Variants in MAF observed in about 807,000 individuals in gnomAD.
The protein encoded by MAF is MAF bZIP transcription factor.
Under a neutral mutation model 22.0 loss-of-function variants are expected in MAF, and 10 were observed. The observed-to-expected ratio is 0.45, with a 90% confidence interval of 0.28 to 0.77. MAF has a LOEUF of 0.77. Ranked by LOEUF, MAF falls within the 30% of genes least tolerant of loss-of-function variation. The pLI is 0.12. For synonymous variants in MAF, 337 were observed against 255.8 expected, an observed-to-expected ratio of 1.32 and a Z score of -3.03; for missense variants, 544 against 548.4, an observed-to-expected ratio of 0.99 and a Z score of 0.08.
the MAF span, among the ~76,000 whole-genome samples, chr16:79,527,272 T>C: frequency 1.3e-5 from 2 of 152,208 alleles, no homozygotes; most frequent in South Asian, 4.1e-4. Flanking sequence ...GGGTTTCATC[T>C]CCTTCATTGT....
chr16:79,214,608 T>C, the MAF span, among the ~76,000 whole-genome samples: 1 of 151,586 alleles, frequency 6.6e-6, no homozygotes, highest in Non-Finnish European at 1.5e-5. Flanking sequence ...GGTTTCACTA[T>C]GTTGGCCAGG....
the MAF span, among the ~76,000 whole-genome samples, chr16:79,211,034 A>AGTGTGTGTGTGTGTGTGTGT: frequency 7.7e-3 from 1,149 of 149,706 alleles, 12 homozygotes; most frequent in Non-Finnish European, 0.013. Context: ...TATGGTGAGG[A>AGTGTGTGTGTGTGTGTGTGT]GTGTGTGTGT....
chr16:79,443,707 C>T, the MAF span, among the ~76,000 whole-genome samples: 3 of 152,300 alleles, frequency 2.0e-5, no homozygotes, highest in East Asian at 5.8e-4. Context: ...GACAGGCATC[C>T]GACTTGTTCT....
chr16:79,489,025 A>G, the MAF span, among the ~76,000 whole-genome samples: 1 of 152,166 alleles, frequency 6.6e-6, no homozygotes, highest in African/African-American at 2.4e-5. Flanking sequence ...CAACTACTCA[A>G]CTTAATTTGT....
chr16:79,523,187 G>A, the MAF span, among the ~76,000 whole-genome samples: 3 of 152,152 alleles, frequency 2.0e-5, no homozygotes, highest in African/African-American at 7.2e-5. Context: ...TTTCCATGTG[G>A]CAAAACCAAA....
chr16:79,501,294 C>T, the MAF span, among the ~76,000 whole-genome samples: 2 of 152,260 alleles, frequency 1.3e-5, no homozygotes, highest in South Asian at 4.2e-4. Context: ...TGCTCCTCTT[C>T]TTATAAGGGC....
the MAF span, among the ~76,000 whole-genome samples, chr16:79,316,520 G>C: frequency 6.6e-6 from 1 of 152,252 alleles, no homozygotes; most frequent in East Asian, 1.9e-4. Context: ...TGGGATAAAT[G>C]TTACCTTCTT....
the MAF span, among the ~76,000 whole-genome samples, chr16:79,547,879 T>C: frequency 2.4e-5 from 3 of 124,768 alleles, no homozygotes; most frequent in East Asian, 2.1e-4. Flanking sequence ...TGTGTGTGTG[T>C]GCGTGTGTGT....
At chr16:79,449,852 T>C in the MAF span, among the ~76,000 whole-genome samples, 1 of 152,234 alleles carries the variant, frequency 6.6e-6, no homozygotes, top group Non-Finnish European at 1.5e-5. Context: ...AGATTAGATC[T>C]TAACCCCTTT....
intron 1 of MAF, chr16:79,595,330 T>C: frequency 9.5e-7 from 1 of 1,050,874 alleles, no homozygotes. Context: ...GAAGGCCAGA[T>C]GATAAACTGG....
At chr16:79,264,533 T>C in the MAF span, 15 of 152,392 alleles carry the variant, frequency 9.8e-5, no homozygotes, top group South Asian at 3.1e-3. Flanking sequence ...TGGTTAGTAC[T>C]TGGATGGGAG....
chr16:79,542,700 G>A, the MAF span, among the ~76,000 whole-genome samples: 1 of 152,208 alleles, frequency 6.6e-6, no homozygotes, highest in Non-Finnish European at 1.5e-5. Flanking sequence ...TGATGGGCAA[G>A]CTGGGTTTCC....
the MAF span, among the ~76,000 whole-genome samples, chr16:79,287,491 G>T: frequency 1.3e-5 from 2 of 152,214 alleles, no homozygotes; most frequent in African/African-American, 4.8e-5. Context: ...GGTTGTGGCA[G>T]GAGGCCAAGT....
chr16:79,460,342 G>C, the MAF span, among the ~76,000 whole-genome samples: 1 of 151,990 alleles, frequency 6.6e-6, no homozygotes, highest in African/African-American at 2.4e-5. Flanking sequence ...GGAAACTAAC[G>C]AAAAATGGAT....
the MAF span, among the ~76,000 whole-genome samples, chr16:79,452,940 G>C: frequency 2.0e-5 from 3 of 152,278 alleles, no homozygotes; most frequent in East Asian, 5.8e-4. Flanking sequence ...TATGAGCGAG[G>C]AATTAATTTT....
chr16:79,357,883 G>A, the MAF span, among the ~76,000 whole-genome samples: 1 of 152,198 alleles, frequency 6.6e-6, no homozygotes, highest in Admixed American at 6.5e-5. Flanking sequence ...TGGGTCTGCT[G>A]ACCTTGAAGG....
the MAF span, among the ~76,000 whole-genome samples, chr16:79,428,326 G>A: frequency 1.3e-5 from 2 of 152,090 alleles, no homozygotes; most frequent in African/African-American, 4.8e-5. Flanking sequence ...ACCCCTGGGG[G>A]TGGCAAGCAC....
At chr16:79,257,036 G>C in the MAF span, among the ~76,000 whole-genome samples, 1 of 152,062 alleles carries the variant, frequency 6.6e-6, no homozygotes, top group Non-Finnish European at 1.5e-5. Context: ...AATTAGCCAG[G>C]TATGGTGGTG....
chr16:79,299,362 AG>A, the MAF span, among the ~76,000 whole-genome samples: 244 of 137,058 alleles, frequency 1.8e-3, 2 homozygotes, highest in African/African-American at 5.7e-3. Context: ...AAAAAAAAAA[AG>A]AAAAAAAACA....
Sources: gnomAD v4.1 joint callset for allele counts (sites outside exome capture counted in the v4.1 genomes callset) on GRCh38, gnomAD v4.1.1 for gene constraint, MANE v1.5 for transcripts, NCBI Gene and HGNC (gene_info 2026-07-23, HGNC 2026-07-21) for gene names.